Variants in KAZN observed in about 807,000 individuals in gnomAD.
KAZN encodes the protein kazrin, periplakin interacting protein.
Under a neutral mutation model 87.4 loss-of-function variants are expected in KAZN, and 40 were observed. The observed-to-expected ratio is 0.46, with a 90% CI of 0.36 to 0.60. KAZN has a LOEUF of 0.60. Among genes scored for constraint, KAZN ranks in the 20% least tolerant of loss-of-function variants. The probability of loss-of-function intolerance (pLI) is 0.00; values close to 1 mark genes in which losing one functional copy is unlikely to be tolerated. For missense variants in KAZN, 898 were observed against 1,073.9 expected (o/e 0.84, Z 2.29); for synonymous variants, 466 against 458.3 (o/e 1.02, Z -0.22).
At chr1:14,259,648 A>G (rs985552651) in intron 2 of KAZN, among the ~76,000 whole-genome samples, 2 of 152,198 alleles carry the variant, frequency 1.3e-5, no homozygotes, top group Non-Finnish European at 2.9e-5. Context: ...AGGAGATGCT[A>G]GTAACCCCGG....
intron 2 of KAZN, among the ~76,000 whole-genome samples, chr1:14,584,505 A>G (rs1376824257): frequency 6.6e-6 from 1 of 152,178 alleles, no homozygotes; most frequent in Non-Finnish European, 1.5e-5. Flanking sequence ...TGAGAGCCAT[A>G]AATTCCCCTT....
chr1:15,028,448 CT>C (rs1408267763), intron 2 of KAZN, among the ~76,000 whole-genome samples: 1 of 152,230 alleles, frequency 6.6e-6, no homozygotes, highest in African/African-American at 2.4e-5. Context: ...GGCAGCTCAT[CT>C]TGCATTAGGA....
chr1:14,910,029 C>T (rs763004115), intron 1 of KAZN, among the ~76,000 whole-genome samples: 22 of 150,992 alleles, frequency 1.5e-4, no homozygotes, highest in Non-Finnish European at 2.2e-4. Context: ...CCTGCTTGGG[C>T]GACAGAGTAA....
chr1:13,945,827 G>T (rs1641130047), intron 1 of KAZN, among the ~76,000 whole-genome samples: 1 of 152,098 alleles, frequency 6.6e-6, no homozygotes, highest in East Asian at 1.9e-4. Flanking sequence ...GCTGGTTCTG[G>T]CAAGGGCCAC....
intron 2 of KAZN, among the ~76,000 whole-genome samples, chr1:14,513,842 T>C (rs1401942713): frequency 6.6e-6 from 1 of 152,078 alleles, no homozygotes; most frequent in African/African-American, 2.4e-5. Flanking sequence ...AATGAGTTTT[T>C]CCGCATTAAT....
At chr1:14,620,316 T>C (rs1678592860) in intron 1 of KAZN, among the ~76,000 whole-genome samples, 1 of 152,230 alleles carries the variant, frequency 6.6e-6, no homozygotes, top group South Asian at 2.1e-4. Flanking sequence ...TTTCTGAAAG[T>C]TGTTGAGAGT....
intron 2 of KAZN, among the ~76,000 whole-genome samples, chr1:14,536,025 A>G: frequency 6.6e-6 from 1 of 152,266 alleles, no homozygotes; most frequent in Non-Finnish European, 1.5e-5. Context: ...AACTTGAACT[A>G]GGACTCCCTA....
intron 1 of KAZN, among the ~76,000 whole-genome samples, chr1:14,759,276 C>A (rs2100535645): frequency 6.6e-6 from 1 of 152,266 alleles, no homozygotes; most frequent in East Asian, 1.9e-4. Flanking sequence ...ACCGTGAGAG[C>A]ATCGCACCGT....
At chr1:14,284,808 C>T (rs1347631074) in intron 2 of KAZN, among the ~76,000 whole-genome samples, 1 of 152,166 alleles carries the variant, frequency 6.6e-6, no homozygotes. Context: ...TTGTCATCTT[C>T]ATTTGCTGCA....
At chr1:14,606,094 A>C (rs906988126) in intron 1 of KAZN, among the ~76,000 whole-genome samples, 3 of 152,254 alleles carry the variant, frequency 2.0e-5, no homozygotes, top group African/African-American at 7.2e-5. Context: ...GGAAGTGACC[A>C]AGCTCTGGCT....
At chr1:15,048,422 ATG>A (rs111596883) in intron 4 of KAZN, among the ~76,000 whole-genome samples, 5 of 150,788 alleles carry the variant, frequency 3.3e-5, no homozygotes, top group Non-Finnish European at 4.4e-5. Flanking sequence ...ATGTGTGTGT[ATG>A]TGTGTGTGTG....
At chr1:14,292,309 G>A (rs1274836290) in intron 2 of KAZN, among the ~76,000 whole-genome samples, 1 of 152,210 alleles carries the variant, frequency 6.6e-6, no homozygotes, top group Non-Finnish European at 1.5e-5. Context: ...GCAGTATTCA[G>A]GGTAGAGAAC....
In KAZN at chr1:15,021,185, T is replaced by C. The variant is rs1670630314; in HGVS notation, c.419-13564T>C. On this transcript the variant is annotated intron_variant, in intron 2 of 14. Transcript: ENST00000376030. The surrounding 1 kb of genome is among the most constrained non-coding windows in gnomAD (Gnocchi z 4.2). Reference sequence around the variant, plus strand: ...GTCCTGCCTCCCTGTCCACCGGCCATTCCCTGCTCCATGCTGCCTCTTCCT... The same window carrying C: ...GTCCTGCCTCCCTGTCCACCGGCCACTCCCTGCTCCATGCTGCCTCTTCCT... Among the ~76,000 whole-genome samples the C allele has an allele frequency of 6.6e-6, 1 of 152,154 alleles. No homozygotes were observed. Among genetic ancestry groups the C allele is most frequent in the African/African-American group, 2.4e-5 (1 of 41,428 alleles).
At chr1:15,022,218 G>A (rs1163958055) in intron 2 of KAZN, among the ~76,000 whole-genome samples, 1 of 152,042 alleles carries the variant, frequency 6.6e-6, no homozygotes, top group African/African-American at 2.4e-5. Context: ...TCCCTGCCCT[G>A]GCTCCAAACG....
intron 2 of KAZN, among the ~76,000 whole-genome samples, chr1:14,182,941 T>A (rs1646228919): frequency 6.6e-6 from 1 of 152,172 alleles, no homozygotes; most frequent in South Asian, 2.1e-4. Flanking sequence ...TGTAAGCCTT[T>A]CAAGGGTAGT....
chr1:14,094,961 A>G lies in KAZN; in HGVS notation c.92-85474A>G, dbSNP rs75511106. On this transcript the variant is annotated intron_variant, in intron 1 of 16. Transcript: ENST00000636203. ...CATTTGGGGGCCGCAATGTTCAAAT[A>G]AAAAGAAATTTGTGTCTTTAGGATG... 6.8e-3 allele frequency among the ~76,000 whole-genome samples: 1,035 copies of G among 152,336 alleles called. 9 individuals carry two copies. The highest frequency in any genetic ancestry group is 0.023 in the African/African-American group (976 of 41,576).
chr1:14,360,183 T>C (rs1186854911), intron 2 of KAZN, among the ~76,000 whole-genome samples: 1 of 152,208 alleles, frequency 6.6e-6, no homozygotes, highest in African/African-American at 2.4e-5. Flanking sequence ...CTTTATTTCA[T>C]TAAGTTTATT....
At chr1:14,733,977 G>C (rs146450220) in intron 1 of KAZN, among the ~76,000 whole-genome samples, 1 of 152,102 alleles carries the variant, frequency 6.6e-6, no homozygotes, top group South Asian at 2.1e-4. Flanking sequence ...CCCTGGCTTC[G>C]GCCCTTCCCT....
chr1:14,628,344 G>A (rs1417122714), intron 1 of KAZN, among the ~76,000 whole-genome samples: 2 of 152,192 alleles, frequency 1.3e-5, no homozygotes, highest in Non-Finnish European at 1.5e-5. Context: ...CAATGAGATT[G>A]CAGGAAATTT....
Sources: gnomAD v4.1 joint callset for allele counts (sites outside exome capture counted in the v4.1 genomes callset) on GRCh38, gnomAD v4.1.1 for gene constraint, Gnocchi (gnomAD v3.1) non-coding constraint, MANE v1.5 for transcripts, NCBI Gene and HGNC (gene_info 2026-07-23, HGNC 2026-07-21) for gene names.